HS3ST5: variants seen among roughly 807,000 people sequenced by gnomAD.
HS3ST5 encodes heparan sulfate-glucosamine 3-sulfotransferase 5, also known as heparan sulfate glucosamine 3-O-sulfotransferase 5.
HS3ST5 carries 10 observed loss-of-function variants against 25.4 expected under a neutral mutation model. That is an observed-to-expected ratio of 0.39 (90% CI 0.24 to 0.67). HS3ST5 has a LOEUF of 0.67. Among genes scored for constraint, HS3ST5 ranks in the 30% least tolerant of loss-of-function variants. HS3ST5 has a pLI of 0.44. For missense variants in HS3ST5, 324 were observed against 420.7 expected (o/e 0.77, Z 2.01); for synonymous variants, 170 against 162.4 (o/e 1.05, Z -0.36).
chr6:114,217,266 T>C (rs1239929861), intron 2 of HS3ST5, among the ~76,000 whole-genome samples: 1 of 152,190 alleles, frequency 6.6e-6, no homozygotes, highest in Middle Eastern at 3.2e-3. Flanking sequence ...TTTTATGTGG[T>C]TATGATGACA....
At chr6:114,145,126 G>A (rs1250431209) in intron 3 of HS3ST5, among the ~76,000 whole-genome samples, 1 of 152,176 alleles carries the variant, frequency 6.6e-6, no homozygotes, top group Non-Finnish European at 1.5e-5. Context: ...TTCATACCCT[G>A]TATACCAACT....
intron 3 of HS3ST5, among the ~76,000 whole-genome samples, chr6:114,102,786 T>C (rs1015127038): frequency 3.3e-5 from 5 of 152,188 alleles, no homozygotes; most frequent in Non-Finnish European, 7.3e-5. Flanking sequence ...AAAATCTGGC[T>C]TTTTAAGCAC....
intron 3 of HS3ST5, among the ~76,000 whole-genome samples, chr6:114,119,587 C>A (rs989569772): frequency 6.6e-6 from 1 of 151,754 alleles, no homozygotes; most frequent in Non-Finnish European, 1.5e-5. Context: ...TTTAGAGAAG[C>A]GAATATGAAA....
intron 2 of HS3ST5, among the ~76,000 whole-genome samples, chr6:114,198,613 G>A (rs1780871614): frequency 6.6e-6 from 1 of 152,124 alleles, no homozygotes; most frequent in Admixed American, 6.5e-5. Flanking sequence ...GATTCACCAG[G>A]TTGTATGAAG....
rs1775030192 is a variant in HS3ST5, at chr6:114,089,826, A to G, written c.-32-26949T>C. Among the ~76,000 whole-genome samples the G allele has an allele frequency of 2.0e-5, 3 of 152,166 alleles. No homozygotes were observed. In the South Asian group the frequency reaches 6.2e-4, roughly 32 times the overall value. ...TCTCATGATCTCAGTCTCCCCAGAT[A>G]ATTTCTTATTCTTTATTCTCTTCAA... On this transcript the variant is annotated intron_variant, in intron 3 of 4. Transcript: ENST00000312719.
At chr6:114,235,292 T>C (rs1771802453) in intron 1 of HS3ST5, among the ~76,000 whole-genome samples, 1 of 152,154 alleles carries the variant, frequency 6.6e-6, no homozygotes, top group African/African-American at 2.4e-5. Flanking sequence ...TACGCTATGA[T>C]AGCTCCTATT....
chr6:114,307,114 T>C (rs1400674508), intron 1 of HS3ST5, among the ~76,000 whole-genome samples: 1 of 152,208 alleles, frequency 6.6e-6, no homozygotes, highest in Non-Finnish European at 1.5e-5. Flanking sequence ...TTATTGTTGA[T>C]ACAGAAGGCC....
chr6:114,105,793 C>A (rs1447232664), intron 3 of HS3ST5, among the ~76,000 whole-genome samples: 1 of 152,138 alleles, frequency 6.6e-6, no homozygotes, highest in Non-Finnish European at 1.5e-5. Flanking sequence ...CCTGCCATAA[C>A]TGGGCATAAC....
At chr6:114,117,921 G>T (rs560012079) in intron 3 of HS3ST5, among the ~76,000 whole-genome samples, 8 of 152,162 alleles carry the variant, frequency 5.3e-5, no homozygotes, top group Admixed American at 5.2e-4. Flanking sequence ...TGTCTCTATA[G>T]TGTCTCATAT....
chr6:114,108,481 A>C (rs1776099707), intron 3 of HS3ST5, among the ~76,000 whole-genome samples: 1 of 152,138 alleles, frequency 6.6e-6, no homozygotes. Flanking sequence ...GCTTGTGGCC[A>C]CCTGGTGATG....
chr6:114,339,865 A>G (rs1776754346), intron 1 of HS3ST5, among the ~76,000 whole-genome samples: 1 of 152,204 alleles, frequency 6.6e-6, no homozygotes, highest in African/African-American at 2.4e-5. Flanking sequence ...CTGAGTCAAC[A>G]GCTCTTTGTT....
At chr6:114,120,280 T>C (rs573466999) in intron 3 of HS3ST5, among the ~76,000 whole-genome samples, 1 of 152,234 alleles carries the variant, frequency 6.6e-6, no homozygotes, top group Non-Finnish European at 1.5e-5. Flanking sequence ...ACCTGATTTT[T>C]TTCCCCTAAC....
chr6:114,117,321 A>AAAGTTCCAAGAGG (rs1178017160), intron 3 of HS3ST5, among the ~76,000 whole-genome samples: 1 of 152,160 alleles, frequency 6.6e-6, no homozygotes, highest in Non-Finnish European at 1.5e-5. Flanking sequence ...CTCTGCTAGA[A>AAAGTTCCAAGAGG]AACACAGAGG....
chr6:114,121,895 G>A (rs140095748), intron 3 of HS3ST5, among the ~76,000 whole-genome samples: 68 of 152,302 alleles, frequency 4.5e-4, no homozygotes, highest in African/African-American at 1.5e-3. Flanking sequence ...GGGTGATAAG[G>A]AGTTAATGAA....
intron 1 of HS3ST5, among the ~76,000 whole-genome samples, chr6:114,335,898 C>T (rs542172596): frequency 3.9e-5 from 6 of 152,108 alleles, no homozygotes; most frequent in South Asian, 2.1e-4. Flanking sequence ...GTGATCTACC[C>T]GCTTCGGCCT....
chr6:114,170,230 GA>G (rs1453226770), intron 2 of HS3ST5, among the ~76,000 whole-genome samples: 1 of 151,836 alleles, frequency 6.6e-6, no homozygotes, highest in Non-Finnish European at 1.5e-5. Context: ...ACTAGCTGAT[GA>G]TTTTTTTTAA....
chr6:114,298,588 C>T (rs889623369), intron 1 of HS3ST5, among the ~76,000 whole-genome samples: 1 of 152,180 alleles, frequency 6.6e-6, no homozygotes, highest in African/African-American at 2.4e-5. Context: ...CAGGATTCAA[C>T]CTGGCAGCAC....
intron 1 of HS3ST5, among the ~76,000 whole-genome samples, chr6:114,233,280 A>G (rs1167185992): frequency 6.6e-6 from 1 of 152,168 alleles, no homozygotes; most frequent in African/African-American, 2.4e-5. Context: ...TTCATACCCT[A>G]TAATAGAATG....
chr6:114,294,515 C>T (rs948304764), intron 1 of HS3ST5, among the ~76,000 whole-genome samples: 1 of 148,828 alleles, frequency 6.7e-6, no homozygotes, highest in Non-Finnish European at 1.5e-5. Flanking sequence ...GCGTGATCTC[C>T]GCTCACTGCA....
Sources: gnomAD v4.1 joint callset for allele counts (sites outside exome capture counted in the v4.1 genomes callset) on GRCh38, gnomAD v4.1.1 for gene constraint, MANE v1.5 for transcripts, NCBI Gene and HGNC (gene_info 2026-07-23, HGNC 2026-07-21) for gene names.